Variants in PAK1 observed in about 807,000 individuals in gnomAD.
The protein encoded by PAK1 is serine/threonine-protein kinase PAK 1.
PAK1 carries 29 observed loss-of-function variants against 67.4 expected under a neutral mutation model. The ratio of observed to expected loss-of-function variants is 0.43; its 90% CI spans 0.32 to 0.59. The LOEUF is 0.59. Among genes scored for constraint, PAK1 ranks in the 20% least tolerant of loss-of-function variants. The probability of loss-of-function intolerance (pLI) is 0.07; values close to 1 mark genes in which losing one functional copy is unlikely to be tolerated. For synonymous variants in PAK1, 223 were observed against 237.4 expected, an observed-to-expected ratio of 0.94 and a Z score of 0.56; for missense variants, 337 against 670.7, an observed-to-expected ratio of 0.50 and a Z score of 5.50.
chr11:77,423,031 A>G (rs1232244624), intron 1 of PAK1, among the ~76,000 whole-genome samples: 6 of 152,100 alleles, frequency 3.9e-5, no homozygotes, highest in Non-Finnish European at 7.4e-5. Context: ...CCTCCAGAAA[A>G]TTAATTCCTA....
rs1189359974 is a variant in PAK1, at chr11:77,374,309, A to T, written c.477+19T>A. 1 of 1,525,982 alleles carries T rather than the reference A, an allele frequency of 6.6e-7. No homozygotes were observed. The highest frequency in any genetic ancestry group is 1.1e-5 in the South Asian group (1 of 89,196). 94.5% of individuals were successfully genotyped at this position (1,525,982 alleles called of 1,614,324 possible). A position where few individuals can be genotyped will look rare whatever the true frequency, so the allele number is the denominator to read the frequency against. ...CCTCCACATCTGCCCACATCAAAAT[A>T]GAGTAAATAAAGACTTACCAAGGCA... On this transcript the variant is annotated intron_variant, in intron 5 of 14. Coordinates refer to ENST00000356341, the MANE Select transcript of PAK1 (RefSeq NM_002576.5).
the PAK1 span, among the ~76,000 whole-genome samples, chr11:77,521,853 T>C: frequency 6.6e-6 from 1 of 152,328 alleles, no homozygotes; most frequent in Admixed American, 6.5e-5. Context: ...ACCCATCCCT[T>C]TTGTTCTTTC....
chr11:77,453,799 G>A (rs1956964150), intron 1 of PAK1, among the ~76,000 whole-genome samples: 1 of 152,114 alleles, frequency 6.6e-6, no homozygotes, highest in African/African-American at 2.4e-5. Flanking sequence ...TCCAACACCA[G>A]GCTGGGTGCG....
the PAK1 span, among the ~76,000 whole-genome samples, chr11:77,490,688 T>G: frequency 6.6e-6 from 1 of 151,042 alleles, no homozygotes; most frequent in African/African-American, 2.4e-5. Flanking sequence ...GAATAGAAAG[T>G]GGGGAAAGGT....
chr11:77,374,463 T>C (rs547449281), intron 4 of PAK1, 98 bp from the exon 5 acceptor site: 8 of 758,290 alleles, frequency 1.1e-5, no homozygotes, highest in Non-Finnish European at 1.9e-5. Flanking sequence ...ACGTGCCAGA[T>C]TCAGAGAATA....
chr11:77,353,636 C>G (rs1461810796), intron 7 of PAK1, 37 bp from the exon 8 acceptor site: 1 of 1,527,580 alleles, frequency 6.5e-7, no homozygotes, highest in Middle Eastern at 1.7e-4. Flanking sequence ...CATTTTTTCC[C>G]AAATCAAGAT....
At chr11:77,429,850 T>C (rs1410739430) in intron 1 of PAK1, among the ~76,000 whole-genome samples, 3 of 152,250 alleles carry the variant, frequency 2.0e-5, no homozygotes, top group African/African-American at 7.2e-5. Flanking sequence ...CTGATTTTGA[T>C]GGTTGCATTG....
rs189820282 is a variant in PAK1, at chr11:77,322,080, C to T, written c.*1194G>A. ...TTGTGCTGCAGAGGCAGTAGTACCT[C>T]AGAGCATGAGAAGGTAGTCAATGGG... On this transcript the variant is annotated 3_prime_UTR_variant, in exon 15 of 15. Transcript: ENST00000356341. 4.6e-6 allele frequency: 1 copy of T among 218,652 alleles called. No individual in the cohort carries two copies. Among genetic ancestry groups the T allele is most frequent in the African/African-American group, 2.2e-5 (1 of 44,614 alleles). 13.5% of individuals were successfully genotyped at this position (218,652 alleles called of 1,614,324 possible). A position where few individuals can be genotyped will look rare whatever the true frequency, so the allele number is the denominator to read the frequency against.
the PAK1 span, among the ~76,000 whole-genome samples, chr11:77,492,658 A>ATGGT: frequency 6.8e-6 from 1 of 147,706 alleles, no homozygotes. Context: ...CCTCCTTGTT[A>ATGGT]TGGTTTGAAT....
intron 7 of PAK1, 86 bp downstream of exon 7, chr11:77,355,582 G>C: frequency 3.6e-6 from 4 of 1,116,268 alleles, no homozygotes; most frequent in Non-Finnish European, 5.3e-6. Flanking sequence ...CCAGCCAGCT[G>C]CATGGACCAA....
At chr11:77,407,570 T>C (rs995115471) in intron 1 of PAK1, among the ~76,000 whole-genome samples, 3 of 152,198 alleles carry the variant, frequency 2.0e-5, no homozygotes, top group East Asian at 1.9e-4. Flanking sequence ...ATGATATCTA[T>C]ATAGCACTTT....
chr11:77,523,789 T>C, the PAK1 span, among the ~76,000 whole-genome samples: 22 of 152,278 alleles, frequency 1.4e-4, no homozygotes, highest in African/African-American at 5.1e-4. Flanking sequence ...AAAATGAGAA[T>C]TTAAAAAATA....
At chr11:77,392,937 A>G (rs993308969) in intron 1 of PAK1, among the ~76,000 whole-genome samples, 1 of 152,218 alleles carries the variant, frequency 6.6e-6, no homozygotes, top group Non-Finnish European at 1.5e-5. Context: ...TAAAACTGCT[A>G]ACAGCATTCC....
intron 1 of PAK1, among the ~76,000 whole-genome samples, chr11:77,438,549 T>G (rs1956226755): frequency 6.6e-6 from 1 of 152,232 alleles, no homozygotes; most frequent in Admixed American, 6.5e-5. Context: ...TTGATATTTT[T>G]AGACTGAAAT....
intron 2 of PAK1, among the ~76,000 whole-genome samples, chr11:77,383,816 TG>T (rs1950140018): frequency 6.6e-6 from 1 of 152,186 alleles, no homozygotes; most frequent in Admixed American, 6.5e-5. Flanking sequence ...CACCAAGCTC[TG>T]CCAGTCACTG....
chr11:77,490,526 G>A, the PAK1 span, among the ~76,000 whole-genome samples: 5,169 of 149,068 alleles, frequency 0.035, 305 homozygotes, highest in African/African-American at 0.12. Context: ...CCCCACGCCC[G>A]GCCAGCCGCC....
At chr11:77,491,096 C>T in the PAK1 span, among the ~76,000 whole-genome samples, 13 of 150,038 alleles carry the variant, frequency 8.7e-5, no homozygotes, top group South Asian at 2.7e-3. Flanking sequence ...CCAAATCCCC[C>T]TCTGTGAGAA....
chr11:77,492,659 T>C, the PAK1 span, among the ~76,000 whole-genome samples: 2 of 151,680 alleles, frequency 1.3e-5, no homozygotes, highest in African/African-American at 4.8e-5. Flanking sequence ...CTCCTTGTTA[T>C]GGTTTGAATA....
chr11:77,477,721 C>T (rs1031923528), upstream of PAK1, among the ~76,000 whole-genome samples: 11 of 152,004 alleles, frequency 7.2e-5, no homozygotes, highest in Admixed American at 7.2e-4. Context: ...CACCTTTGCA[C>T]TTCAGTCTGG....
Sources: allele counts gnomAD v4.1 joint callset (sites outside exome capture counted in the v4.1 genomes callset), GRCh38; gene constraint gnomAD v4.1.1; transcripts MANE v1.5; gene names NCBI Gene and HGNC (gene_info 2026-07-23, HGNC 2026-07-21).